The following DNAH9 variants were observed in gnomAD, a reference collection of about 807,000 sequenced individuals.
DNAH9 encodes the protein DNAH9 variant protein.
Under a neutral mutation model 471.6 loss-of-function variants are expected in DNAH9, and 345 were observed. The observed-to-expected ratio is 0.73, with a 90% confidence interval of 0.67 to 0.80. The LOEUF is 0.80. DNAH9 is among the 30% of genes least tolerant of loss of function. DNAH9 has a pLI of 0.00. For synonymous variants in DNAH9, 2,093 were observed against 2,123.6 expected (o/e 0.99, Z 0.40); for missense variants, 5,407 against 5,609.2 (o/e 0.96, Z 1.15).
At chr17:11,611,851 T>C (rs1387640476) in intron 4 of DNAH9, 71 bp downstream of exon 4, 1 of 1,501,984 alleles carries the variant, frequency 6.7e-7, no homozygotes, top group East Asian at 2.3e-5. Context: ...TTCACCTCTC[T>C]CTGTCTGAAT....
chr17:11,693,637 G>T (rs2074376020), intron 20 of DNAH9, among the ~76,000 whole-genome samples: 1 of 152,130 alleles, frequency 6.6e-6, no homozygotes, highest in Non-Finnish European at 1.5e-5. Flanking sequence ...TGAAAGATAT[G>T]ATAGATAGTA....
In DNAH9 at chr17:11,807,738, T is replaced by C. The variant is rs2150924761; in HGVS notation, c.8427T>C (p.His2809=). 6.2e-7 allele frequency: 1 copy of C among 1,605,676 alleles called. No homozygotes were observed. Among genetic ancestry groups the C allele is most frequent in the Non-Finnish European group, 8.5e-7 (1 of 1,173,232 alleles). Residue 2809 remains histidine (H), a synonymous_variant, in exon 44 of 69, where the codon CAT becomes CAC. Transcript: ENST00000262442. ...LFEDAMRHVC[H]INRILESPRG... ...CCTGCTTCCTTCTCTTTAGCTGCCA[T>C]ATCAATCGCATCTTGGAGTCCCCGC...
At chr17:11,684,130 A>G (rs1239256252) in intron 19 of DNAH9, among the ~76,000 whole-genome samples, 1 of 152,106 alleles carries the variant, frequency 6.6e-6, no homozygotes, top group Non-Finnish European at 1.5e-5. Flanking sequence ...CTTTTAGATC[A>G]TTTATAAATT....
intron 20 of DNAH9, among the ~76,000 whole-genome samples, chr17:11,691,622 T>C (rs2150754977): frequency 6.6e-6 from 1 of 152,340 alleles, no homozygotes; most frequent in African/African-American, 2.4e-5. Flanking sequence ...TTCATGTATA[T>C]ACATATTTTT....
At chr17:11,724,903 C>T (rs2075125715) in intron 27 of DNAH9, among the ~76,000 whole-genome samples, 1 of 152,054 alleles carries the variant, frequency 6.6e-6, no homozygotes, top group African/African-American at 2.4e-5. Flanking sequence ...CAGTGGGGGC[C>T]CTGGTCTTCT....
intron 11 of DNAH9, 52 bp from the exon 12 acceptor site, chr17:11,647,020 C>T (rs1456391820): frequency 1.3e-5 from 20 of 1,597,204 alleles, no homozygotes; most frequent in African/African-American, 6.7e-5. Flanking sequence ...GACCAGGCAC[C>T]GGTGAGCTGG....
At chr17:11,649,937 G>A (rs1180371337) in intron 12 of DNAH9, among the ~76,000 whole-genome samples, 1 of 152,062 alleles carries the variant, frequency 6.6e-6, no homozygotes, top group African/African-American at 2.4e-5. Context: ...CAGTTTAAAT[G>A]GCCAAATATG....
At chr17:11,876,086 GAAGTT>G (rs1972470731) in intron 53 of DNAH9, among the ~76,000 whole-genome samples, 1 of 152,176 alleles carries the variant, frequency 6.6e-6, no homozygotes, top group Non-Finnish European at 1.5e-5. Flanking sequence ...GAGGTTCACA[GAAGTT>G]AAGTAATTTC....
intron 33 of DNAH9, among the ~76,000 whole-genome samples, chr17:11,754,684 T>G (rs1016420702): frequency 2.6e-5 from 4 of 152,242 alleles, no homozygotes; most frequent in African/African-American, 9.6e-5. Flanking sequence ...ATTGTTTGTT[T>G]TTTTCTCATA....
chr17:11,851,676 C>A (rs1016126741), intron 49 of DNAH9, among the ~76,000 whole-genome samples: 5 of 152,130 alleles, frequency 3.3e-5, no homozygotes, highest in African/African-American at 4.8e-5. Context: ...AGAAAGTCCA[C>A]AGAGCCCTGC....
chr17:11,697,360 C>G (rs962857669), intron 22 of DNAH9, among the ~76,000 whole-genome samples: 2 of 152,112 alleles, frequency 1.3e-5, no homozygotes, highest in African/African-American at 4.8e-5. Flanking sequence ...GCAGATATCA[C>G]TCTGCTGTTT....
intron 50 of DNAH9, among the ~76,000 whole-genome samples, chr17:11,866,742 G>A (rs1449782194): frequency 6.6e-6 from 1 of 152,222 alleles, no homozygotes; most frequent in Non-Finnish European, 1.5e-5. Context: ...CCCTCCCCCA[G>A]CCTCGCTGCC....
At chr17:11,845,216 T>A (rs2150962605) in intron 49 of DNAH9, among the ~76,000 whole-genome samples, 1 of 128,218 alleles carries the variant, frequency 7.8e-6, no homozygotes, top group South Asian at 3.0e-4. Flanking sequence ...CCATGTGTTT[T>A]CATTGTTCAA....
intron 5 of DNAH9, among the ~76,000 whole-genome samples, chr17:11,618,517 C>T (rs2072791010): frequency 6.7e-6 from 1 of 148,618 alleles, no homozygotes; most frequent in African/African-American, 2.5e-5. Flanking sequence ...ACCCGGGAGG[C>T]AGAAGTTGCA....
At chr17:11,923,335 C>T (rs1974201660) in intron 61 of DNAH9, among the ~76,000 whole-genome samples, 1 of 151,892 alleles carries the variant, frequency 6.6e-6, no homozygotes, top group Non-Finnish European at 1.5e-5. Flanking sequence ...CTGCCTCAGC[C>T]TCCCAAAGTG....
intron 49 of DNAH9, among the ~76,000 whole-genome samples, chr17:11,852,784 A>C (rs1971468461): frequency 7.1e-6 from 1 of 140,084 alleles, no homozygotes; most frequent in Non-Finnish European, 1.5e-5. Flanking sequence ...AGTATATATA[A>C]GAGATATATA....
rs1042659411 is a variant in DNAH9, at chr17:11,954,787, A to AG, written c.12844-7080_12844-7079insG. ...TTCGTCTTAAAAAAAAAAAAAAAAA[A>AG]AGAGAGAGAAAGAAATTTCTTAGAA... On this transcript the variant is annotated intron_variant, in intron 67 of 68. Transcript: ENST00000262442. 1.8e-3 allele frequency among the ~76,000 whole-genome samples: 266 copies of AG among 147,190 alleles called. 1 individual carries two copies. Among genetic ancestry groups the AG allele is most frequent in the African/African-American group, 6.4e-3 (254 of 39,476 alleles).
chr17:11,814,237 A>G (rs72813326), intron 45 of DNAH9, among the ~76,000 whole-genome samples: 49,490 of 152,068 alleles, frequency 0.33, 9,768 homozygotes, highest in Non-Finnish European at 0.45. Context: ...AGAGGGAAAA[A>G]AAATCAGAAT....
intron 5 of DNAH9, among the ~76,000 whole-genome samples, chr17:11,619,299 G>T (rs1383288926): frequency 6.6e-6 from 1 of 151,808 alleles, no homozygotes; most frequent in Non-Finnish European, 1.5e-5. Context: ...AGCCAACAAA[G>T]TCTCATTGTG....
Sources: allele counts gnomAD v4.1 joint callset (sites outside exome capture counted in the v4.1 genomes callset), GRCh38; gene constraint gnomAD v4.1.1; transcripts MANE v1.5; gene names NCBI Gene and HGNC (gene_info 2026-07-23, HGNC 2026-07-21).